FOXO1: variants seen among roughly 807,000 people sequenced by gnomAD.
FOXO1 encodes the protein forkhead box protein O1.
In FOXO1, 6 loss-of-function variants were observed where a neutral mutation model predicts 44.1. The observed-to-expected ratio is 0.14, with a 90% CI of 0.07 to 0.27. The LOEUF is 0.27. Among genes scored for constraint, FOXO1 ranks in the 10% least tolerant of loss-of-function variants. FOXO1 has a pLI of 1.00. For missense variants in FOXO1, 737 were observed against 888.8 expected (o/e 0.83, Z 2.17); for synonymous variants, 380 against 362.7 (o/e 1.05, Z -0.54).
intron 1 of FOXO1, among the ~76,000 whole-genome samples, chr13:40,640,510 C>A (rs1877312336): frequency 6.6e-6 from 1 of 152,230 alleles, no homozygotes; most frequent in Non-Finnish European, 1.5e-5. Context: ...ATCCCCCAAG[C>A]CCTGAGTCTC....
At chr13:40,590,373 G>A (rs191008325) in intron 1 of FOXO1, among the ~76,000 whole-genome samples, 62 of 152,210 alleles carry the variant, frequency 4.1e-4, no homozygotes, top group Admixed American at 2.2e-3. Flanking sequence ...AAGACTCTTC[G>A]GTCTCTTCTT....
In FOXO1 at chr13:40,619,959, A is replaced by G. The variant is rs184843866; in HGVS notation, c.630+45624T>C. The G allele has an allele frequency of 2.8e-4, 187 of 679,546 alleles. 1 individual carries two copies. In the East Asian group the frequency reaches 4.8e-3, roughly 18 times the overall value. The allele number at this position is 679,546 out of a possible 1,614,324, so 42.1% of individuals were successfully genotyped here. ...GATTAGGGCCAATAAGATCTACTAT[A>G]AGTAGCCGAAGCTGTTCACCAATTC... is the stretch of plus-strand genomic sequence containing the variant. On this transcript the variant is annotated intron_variant, in intron 1 of 2. Coordinates refer to ENST00000379561, the MANE Select transcript of FOXO1 (RefSeq NM_002015.4).
At chr13:40,572,325 G>C (rs983607793) in intron 1 of FOXO1, among the ~76,000 whole-genome samples, 3 of 152,096 alleles carry the variant, frequency 2.0e-5, no homozygotes, top group African/African-American at 7.2e-5. Flanking sequence ...AGAGTACAAA[G>C]TCTAGATTTA....
intron 1 of FOXO1, among the ~76,000 whole-genome samples, chr13:40,572,214 G>A (rs1006655825): frequency 6.6e-6 from 1 of 152,130 alleles, no homozygotes; most frequent in African/African-American, 2.4e-5. Flanking sequence ...CATGTACTAC[G>A]TAGAACTGTT....
intron 1 of FOXO1, among the ~76,000 whole-genome samples, chr13:40,631,297 C>T (rs1365757325): frequency 6.6e-6 from 1 of 152,078 alleles, no homozygotes; most frequent in Non-Finnish European, 1.5e-5. Context: ...ATGGCATATA[C>T]CAAAATCAAC....
At chr13:40,658,368 A>G (rs960120148) in intron 1 of FOXO1, among the ~76,000 whole-genome samples, 2 of 152,220 alleles carry the variant, frequency 1.3e-5, no homozygotes, top group African/African-American at 4.8e-5. Flanking sequence ...GAAGACACCA[A>G]GGTTTGAAAA....
intron 1 of FOXO1, chr13:40,619,931 A>G (rs1876552800): frequency 1.5e-6 from 1 of 681,022 alleles, no homozygotes; most frequent in African/African-American, 1.8e-5. Context: ...AATACAAACC[A>G]AAGATTAGGG....
At chr13:40,629,874 A>C (rs1593407042) in intron 1 of FOXO1, among the ~76,000 whole-genome samples, 2 of 152,202 alleles carry the variant, frequency 1.3e-5, no homozygotes, top group East Asian at 3.9e-4. Context: ...TACAGTTGAG[A>C]AGGTTCAAGG....
In FOXO1 at chr13:40,559,673, G is replaced by A. The variant is rs747930943; in HGVS notation, c.1818C>T (p.Phe606=). Reference sequence around the variant, plus strand: ...CCATGTCACAGTCTAAGCGCTCAATGAACATGCCATCCAAGTCACTTGGGA... The same window carrying A: ...CCATGTCACAGTCTAAGCGCTCAATAAACATGCCATCCAAGTCACTTGGGA... The part of the protein sequence containing the change: ...EKLPSDLDGM[F]IERLDCDMES... Residue 606 remains phenylalanine (F), a synonymous_variant, in exon 2 of 3, where the codon TTC becomes TTT. Coordinates refer to ENST00000379561, the MANE Select transcript of FOXO1 (RefSeq NM_002015.4). The A allele has an allele frequency of 1.2e-6, 2 of 1,614,072 alleles. No homozygotes were observed. The highest frequency in any genetic ancestry group is 1.7e-6 in the Non-Finnish European group (2 of 1,180,038).
intron 1 of FOXO1, among the ~76,000 whole-genome samples, chr13:40,655,637 CTTTTTTTTT>C (rs774180443): frequency 9.9e-6 from 1 of 101,318 alleles, no homozygotes; most frequent in African/African-American, 4.1e-5. Context: ...TTCTACACTT[CTTTTTTTTT>C]TTTTTTTTTT....
rs904620236 is a variant in FOXO1, at chr13:40,556,405, A to G, written c.*2644T>C. The G allele has an allele frequency of 1.3e-5, 2 of 152,666 alleles. No individual in the cohort carries two copies. The highest frequency in any genetic ancestry group is 4.8e-5 in the African/African-American group (2 of 41,466). 9.5% of individuals were successfully genotyped at this position (152,666 alleles called of 1,614,324 possible). On this transcript the variant is annotated 3_prime_UTR_variant, in exon 3 of 3. Transcript: ENST00000379561. ...GAAACAATACATCTTTATATTTAAA[A>G]TATCTGAATAGCTCTATAATACAAT...
chr13:40,620,037 A>T, intron 1 of FOXO1: 1 of 859,690 alleles, frequency 1.2e-6, no homozygotes, highest in Non-Finnish European at 1.9e-6. Context: ...GTAGACCAGT[A>T]CAGCAAACCA....
At chr13:40,571,811 C>T (rs1327708523) in intron 1 of FOXO1, among the ~76,000 whole-genome samples, 1 of 152,162 alleles carries the variant, frequency 6.6e-6, no homozygotes, top group Non-Finnish European at 1.5e-5. Context: ...TATAAACGCA[C>T]AGCATTATAA....
intron 1 of FOXO1, among the ~76,000 whole-genome samples, chr13:40,614,543 G>C (rs910711856): frequency 2.0e-5 from 3 of 152,148 alleles, no homozygotes; most frequent in African/African-American, 7.2e-5. Flanking sequence ...AAATCTTCAC[G>C]TAGAAGATTT....
At chr13:40,620,299 TA>T in intron 1 of FOXO1, 1 of 995,276 alleles carries the variant, frequency 1.0e-6, no homozygotes, top group Non-Finnish European at 1.6e-6. Context: ...TCATCCAGAG[TA>T]GGGCTAACAG....
At chr13:40,592,416 A>C (rs537691217) in intron 1 of FOXO1, among the ~76,000 whole-genome samples, 1 of 152,358 alleles carries the variant, frequency 6.6e-6, no homozygotes, top group East Asian at 1.9e-4. Flanking sequence ...TATTAAAAGC[A>C]AAAGACCCAT....
chr13:40,574,510 CATG>C (rs1406705629), intron 1 of FOXO1, among the ~76,000 whole-genome samples: 3 of 152,188 alleles, frequency 2.0e-5, no homozygotes, highest in African/African-American at 7.2e-5. Flanking sequence ...TCTATAAACT[CATG>C]ATATTCTAGA....
chr13:40,624,043 G>A (rs926559763), intron 1 of FOXO1, among the ~76,000 whole-genome samples: 6 of 151,662 alleles, frequency 4.0e-5, no homozygotes, highest in African/African-American at 7.3e-5. Flanking sequence ...GTTTGAGGCT[G>A]TAATGAGCTG....
intron 1 of FOXO1, among the ~76,000 whole-genome samples, chr13:40,580,764 C>T (rs1343484731): frequency 6.6e-6 from 1 of 152,148 alleles, no homozygotes; most frequent in Non-Finnish European, 1.5e-5. Context: ...TCAATGTTTA[C>T]GCAATCACTA....
Sources: allele counts gnomAD v4.1 joint callset (sites outside exome capture counted in the v4.1 genomes callset), GRCh38; gene constraint gnomAD v4.1.1; transcripts MANE v1.5; gene names NCBI Gene and HGNC (gene_info 2026-07-23, HGNC 2026-07-21).